KCNB2: variants seen among roughly 807,000 people sequenced by gnomAD.
The protein encoded by KCNB2 is potassium voltage-gated channel subfamily B member 2.
KCNB2 carries 15 observed loss-of-function variants against 61.5 expected under a neutral mutation model. The observed-to-expected ratio is 0.24, with a 90% CI of 0.16 to 0.38. The LOEUF (loss-of-function observed/expected upper bound fraction) is 0.38. KCNB2 is among the 10% of genes least tolerant of loss of function. The pLI, the probability that KCNB2 is intolerant of heterozygous loss-of-function variation, is 1.00. For synonymous variants in KCNB2, 457 were observed against 446.0 expected, an observed-to-expected ratio of 1.02 and a Z score of -0.31; for missense variants, 828 against 1,125.2, an observed-to-expected ratio of 0.74 and a Z score of 3.78.
chr8:72,685,213 T>C (rs1386239884), intron 2 of KCNB2, among the ~76,000 whole-genome samples: 2 of 152,176 alleles, frequency 1.3e-5, no homozygotes, highest in African/African-American at 2.4e-5. Flanking sequence ...AATTTGTATC[T>C]GAAAGGAATG....
intron 2 of KCNB2, among the ~76,000 whole-genome samples, chr8:72,645,272 A>G (rs745866802): frequency 2.6e-5 from 4 of 152,124 alleles, no homozygotes; most frequent in Non-Finnish European, 5.9e-5. Flanking sequence ...CTAAGTATAT[A>G]TACTAGGTCT....
intron 2 of KCNB2, among the ~76,000 whole-genome samples, chr8:72,603,738 T>C (rs1025850793): frequency 1.2e-4 from 18 of 152,250 alleles, no homozygotes; most frequent in African/African-American, 4.1e-4. Flanking sequence ...GCAGATGTCA[T>C]TAGTTAAGAT....
At chr8:72,610,012 A>G (rs1176121241) in intron 2 of KCNB2, among the ~76,000 whole-genome samples, 1 of 152,180 alleles carries the variant, frequency 6.6e-6, no homozygotes, top group Non-Finnish European at 1.5e-5. Flanking sequence ...AAAACCTAAA[A>G]TAGATTTTTG....
chr8:72,926,353 A>G (rs1806648883), intron 2 of KCNB2, among the ~76,000 whole-genome samples: 1 of 152,240 alleles, frequency 6.6e-6, no homozygotes, highest in African/African-American at 2.4e-5. Context: ...AGAACACATA[A>G]ACTTTATTTA....
At chr8:72,883,190 C>T (rs1805746973) in intron 2 of KCNB2, among the ~76,000 whole-genome samples, 1 of 152,150 alleles carries the variant, frequency 6.6e-6, no homozygotes, top group African/African-American at 2.4e-5. Flanking sequence ...AAAAATGTTT[C>T]TTTATCTCAG....
At chr8:72,869,736 T>C (rs7015652) in intron 2 of KCNB2, among the ~76,000 whole-genome samples, 5,293 of 152,230 alleles carry the variant, frequency 0.035, 289 homozygotes, top group African/African-American at 0.12. Flanking sequence ...TTGTACACTA[T>C]TGGTTGAAAT....
At chr8:72,927,204 C>T (rs755997655) in intron 2 of KCNB2, among the ~76,000 whole-genome samples, 3 of 152,048 alleles carry the variant, frequency 2.0e-5, no homozygotes, top group Admixed American at 6.6e-5. Flanking sequence ...ATCACTACAC[C>T]GAGTACCCTT....
chr8:72,734,700 C>T (rs547796043), intron 2 of KCNB2, among the ~76,000 whole-genome samples: 1 of 152,122 alleles, frequency 6.6e-6, no homozygotes, highest in Admixed American at 6.5e-5. Context: ...CTGAACACTA[C>T]GTCTTGAAAG....
chr8:72,936,861 A>G lies in KCNB2; in HGVS notation c.1506A>G (p.Thr502=). The part of the protein sequence containing the change: ...WKWARKALSE[T]SSNKSFENKY... ...GGGCCAGGAAGGCTCTGTCGGAAAC[A>G]AGCTCCAACAAGTCTTTCGAGAATA... The change falls in exon 3 of 3, where the codon ACA becomes ACG. Residue 502 remains threonine (T), a synonymous_variant. Coordinates refer to ENST00000523207, the MANE Select transcript of KCNB2 (RefSeq NM_004770.3). This position sits in a 1 kb window ranked among gnomAD's most constrained non-coding sequence, Gnocchi z 5.6. 6.2e-7 allele frequency: 1 copy of G among 1,614,146 alleles called. No homozygotes were observed. Among genetic ancestry groups the G allele is most frequent in the Non-Finnish European group, 8.5e-7 (1 of 1,180,022 alleles).
chr8:72,701,944 A>C (rs1807136300), intron 2 of KCNB2, among the ~76,000 whole-genome samples: 1 of 152,210 alleles, frequency 6.6e-6, no homozygotes, highest in Non-Finnish European at 1.5e-5. Flanking sequence ...GTTATCCAAA[A>C]CATTAACAAT....
At chr8:72,575,783 T>C (rs1010872822) in intron 2 of KCNB2, among the ~76,000 whole-genome samples, 5 of 152,328 alleles carry the variant, frequency 3.3e-5, no homozygotes. Context: ...AAGAAATGTA[T>C]TTTAAATCAT....
chr8:72,810,628 G>A (rs1394902852), intron 2 of KCNB2, among the ~76,000 whole-genome samples: 1 of 152,240 alleles, frequency 6.6e-6, no homozygotes, highest in African/African-American at 2.4e-5. Context: ...TAATTTTATA[G>A]TATAGCTATT....
intron 2 of KCNB2, among the ~76,000 whole-genome samples, chr8:72,685,698 A>G (rs1286047099): frequency 6.6e-6 from 1 of 152,166 alleles, no homozygotes; most frequent in Non-Finnish European, 1.5e-5. Flanking sequence ...TGCCAGTATA[A>G]GAAGGTCCAG....
rs1379823645 is a variant in KCNB2, at chr8:72,561,725, A to C, written c.-93-5917A>C. ...TATATATATATATATATATATATAT[A>C]TATCTATATCTATATATATATGTAT... is the stretch of plus-strand genomic sequence containing the variant. On this transcript the variant is annotated intron_variant, in intron 1 of 2. Transcript: ENST00000523207. 6.7e-4 allele frequency among the ~76,000 whole-genome samples: 19 copies of C among 28,358 alleles called. 2 individuals are homozygous for C. Among genetic ancestry groups the C allele is most frequent in the African/African-American group, 4.1e-3 (19 of 4,644 alleles). The allele number at this position is 28,358 out of a possible 152,430, so 18.6% of individuals were successfully genotyped here.
chr8:72,656,668 T>G (rs1314485433), intron 2 of KCNB2, among the ~76,000 whole-genome samples: 2 of 152,196 alleles, frequency 1.3e-5, no homozygotes, highest in African/African-American at 4.8e-5. Flanking sequence ...TTCTAAGCCT[T>G]GTGGTTTAAA....
chr8:72,574,296 G>C (rs910816729), intron 2 of KCNB2, among the ~76,000 whole-genome samples: 5 of 152,202 alleles, frequency 3.3e-5, no homozygotes, highest in African/African-American at 9.6e-5. Flanking sequence ...TTGATCATGG[G>C]AGAGAAGGGC....
intron 2 of KCNB2, among the ~76,000 whole-genome samples, chr8:72,746,081 C>T (rs1808059701): frequency 6.6e-6 from 1 of 152,174 alleles, no homozygotes; most frequent in Non-Finnish European, 1.5e-5. Context: ...ATTGCAGAAG[C>T]AGTACTTGTT....
intron 2 of KCNB2, among the ~76,000 whole-genome samples, chr8:72,721,558 G>C (rs1196605658): frequency 6.6e-6 from 1 of 152,196 alleles, no homozygotes; most frequent in Admixed American, 6.5e-5. Flanking sequence ...AAGGCAGAAG[G>C]AATGGGAAGG....
chr8:72,575,256 C>A (rs897083778), intron 2 of KCNB2, among the ~76,000 whole-genome samples: 4 of 148,912 alleles, frequency 2.7e-5, no homozygotes, highest in African/African-American at 1.0e-4. Flanking sequence ...CACCCCCGCC[C>A]CAGCATGTTA....
Sources: allele counts gnomAD v4.1 joint callset (sites outside exome capture counted in the v4.1 genomes callset), GRCh38; gene constraint gnomAD v4.1.1; non-coding constraint Gnocchi (gnomAD v3.1); transcripts MANE v1.5; gene names NCBI Gene and HGNC (gene_info 2026-07-23, HGNC 2026-07-21).